The following CUBN variants were observed in gnomAD, a reference collection of about 807,000 sequenced individuals.
CUBN encodes cubilin, also known as 460 kDa receptor.
CUBN carries 282 observed loss-of-function variants against 405.3 expected under a neutral mutation model. That is an observed-to-expected ratio of 0.70 (90% CI 0.63 to 0.77). The LOEUF (loss-of-function observed/expected upper bound fraction) is 0.77, where lower values mean the gene tolerates loss of function less well. Among genes scored for constraint, CUBN ranks in the 30% least tolerant of loss-of-function variants. The probability of loss-of-function intolerance (pLI) is 0.00; values close to 1 mark genes in which losing one functional copy is unlikely to be tolerated. For missense variants in CUBN, 4,514 were observed against 4,475.2 expected, an observed-to-expected ratio of 1.01 and a Z score of -0.25; for synonymous variants, 1,684 against 1,617.0, an observed-to-expected ratio of 1.04 and a Z score of -0.99.
rs1005805664 is a variant in CUBN, at chr10:16,929,435, T to C, written c.6125-1132A>G. Among the ~76,000 whole-genome samples the C allele has an allele frequency of 2.6e-5, 4 of 152,318 alleles. No homozygotes were observed. The South Asian group carries it at 6.2e-4, about 24-fold the overall frequency. On this transcript the variant is annotated intron_variant, in intron 40 of 66. Coordinates refer to ENST00000377833, the MANE Select transcript of CUBN (RefSeq NM_001081.4). ...GCAGAGAATTAATAAATCTCGAGTT[T>C]ATAAAAAACAAAAATAGAATATGAG...
At chr10:16,925,200 T>C in intron 43 of CUBN, 41 bp downstream of exon 43, 3 of 1,537,130 alleles carry the variant, frequency 2.0e-6, no homozygotes, top group East Asian at 2.3e-5. Flanking sequence ...GATCAAGCAA[T>C]TGCAGGAAAA....
chr10:17,083,039 TG>T (rs1332078737), intron 17 of CUBN, among the ~76,000 whole-genome samples: 1 of 151,994 alleles, frequency 6.6e-6, no homozygotes, highest in Non-Finnish European at 1.5e-5. Context: ...CTATTTTTGC[TG>T]TTCTCAAAAG....
At chr10:17,038,710 G>A (rs1001928239) in intron 27 of CUBN, among the ~76,000 whole-genome samples, 7 of 152,202 alleles carry the variant, frequency 4.6e-5, no homozygotes, top group African/African-American at 1.4e-4. Flanking sequence ...GTAAATGGTT[G>A]TTTGTGTGTT....
intron 17 of CUBN, among the ~76,000 whole-genome samples, chr10:17,072,559 T>C (rs1588624838): frequency 1.3e-5 from 2 of 152,082 alleles, no homozygotes; most frequent in East Asian, 3.9e-4. Context: ...CTATGTACAA[T>C]TTTTTTAAGT....
chr10:17,098,127 T>C (rs1040482801), intron 14 of CUBN, among the ~76,000 whole-genome samples: 4 of 152,190 alleles, frequency 2.6e-5, no homozygotes, highest in Non-Finnish European at 4.4e-5. Context: ...AGTAGCCACA[T>C]GTAGGCACTC....
At chr10:16,827,691 TC>T (rs753310073) in intron 66 of CUBN, among the ~76,000 whole-genome samples, 1 of 152,214 alleles carries the variant, frequency 6.6e-6, no homozygotes, top group Non-Finnish European at 1.5e-5. Context: ...AACCTCCGCC[TC>T]CCTGGCTCAA....
intron 60 of CUBN, among the ~76,000 whole-genome samples, chr10:16,845,758 AC>A (rs1214786583): frequency 6.6e-6 from 1 of 152,214 alleles, no homozygotes; most frequent in Non-Finnish European, 1.5e-5. Flanking sequence ...CCTTCCATAG[AC>A]TGCTGATCCT....
At chr10:16,926,829 A>G in intron 41 of CUBN, among the ~76,000 whole-genome samples, 1 of 151,640 alleles carries the variant, frequency 6.6e-6, no homozygotes, top group Non-Finnish European at 1.5e-5. Flanking sequence ...CTATCTATCT[A>G]TCTATCTATC....
chr10:17,044,891 A>T, intron 25 of CUBN, 116 bp downstream of exon 25: 2 of 1,070,954 alleles, frequency 1.9e-6, no homozygotes, highest in Non-Finnish European at 2.9e-6. Context: ...TTGAATTTTT[A>T]TATGGATGTT....
intron 17 of CUBN, among the ~76,000 whole-genome samples, chr10:17,082,294 G>T (rs1316136189): frequency 1.3e-4 from 20 of 152,148 alleles, no homozygotes; most frequent in Non-Finnish European, 8.8e-5. Context: ...TCTGACAAAT[G>T]AACTAAAATA....
At chr10:17,107,811 G>T (rs184489411) in intron 10 of CUBN, among the ~76,000 whole-genome samples, 1 of 152,058 alleles carries the variant, frequency 6.6e-6, no homozygotes, top group African/African-American at 2.4e-5. Context: ...TACAAGTTTT[G>T]TTATGTTCTC....
intron 13 of CUBN, among the ~76,000 whole-genome samples, chr10:17,102,328 C>T (rs189059806): frequency 4.0e-5 from 6 of 150,146 alleles, no homozygotes; most frequent in African/African-American, 1.5e-4. Flanking sequence ...GCTCTGTCAC[C>T]CAGGCTGGAG....
At chr10:16,845,781 T>TG (rs1244196795) in intron 60 of CUBN, among the ~76,000 whole-genome samples, 1 of 152,230 alleles carries the variant, frequency 6.6e-6, no homozygotes, top group Non-Finnish European at 1.5e-5. Context: ...TCCCCAAAGA[T>TG]GGACAGCCCC....
intron 14 of CUBN, among the ~76,000 whole-genome samples, chr10:17,096,029 G>T (rs748813973): frequency 6.6e-6 from 1 of 152,050 alleles, no homozygotes; most frequent in Non-Finnish European, 1.5e-5. Context: ...AAATAAGCCA[G>T]ACATAGGAGG....
At chr10:17,065,681 G>C in intron 21 of CUBN, 43 bp from the exon 22 acceptor site, 1 of 1,610,320 alleles carries the variant, frequency 6.2e-7, no homozygotes, top group Non-Finnish European at 8.5e-7. Context: ...ATTTTAGTTT[G>C]GTATACTGAA....
chr10:17,117,052 G>A lies in CUBN; in HGVS notation c.594-1455C>T, dbSNP rs74709794. 6.4e-3 allele frequency among the ~76,000 whole-genome samples: 968 copies of A among 152,096 alleles called. 6 individuals are homozygous for A. Among genetic ancestry groups the A allele is most frequent in the African/African-American group, 0.021 (867 of 41,498 alleles). ...AGCATTCCAAAGTTGCCTTTGGAAC[G>A]GCTCACTAAGATAAAGTCATAGGAA... On this transcript the variant is annotated intron_variant, in intron 6 of 66. Transcript: ENST00000377833.
At chr10:17,049,517 T>G (rs1835213957) in intron 22 of CUBN, among the ~76,000 whole-genome samples, 1 of 152,214 alleles carries the variant, frequency 6.6e-6, no homozygotes. Flanking sequence ...GCAATAATGA[T>G]GGGTAGTTTC....
In CUBN at chr10:16,825,628, AGTGTGTGTGTGT is replaced by A. The variant is rs377156071; in HGVS notation, c.10765-558_10765-547del. Among the ~76,000 whole-genome samples the A allele has an allele frequency of 9.8e-3, 1,335 of 136,002 alleles. 20 individuals are homozygous for A. Among genetic ancestry groups the A allele is most frequent in the African/African-American group, 0.033 (1,179 of 36,248 alleles). The allele number at this position is 136,002 out of a possible 152,430, so 89.2% of individuals were successfully genotyped here. A position where few individuals can be genotyped will look rare whatever the true frequency, so the allele number is the denominator to read the frequency against. On this transcript the variant is annotated intron_variant, in intron 66 of 66. Transcript: ENST00000377833. ...TTATTTTCATATACTTCTGTGGAAC[AGTGTGTGTGTGT>A]GTGTGTGTGTGTGTGTGTGTGTGTG...
intron 22 of CUBN, among the ~76,000 whole-genome samples, chr10:17,055,663 T>C (rs767756281): frequency 1.2e-4 from 18 of 152,080 alleles, no homozygotes; most frequent in Non-Finnish European, 2.2e-4. Flanking sequence ...ATATATAATA[T>C]GGCATGTCAT....
Sources: allele counts gnomAD v4.1 joint callset (sites outside exome capture counted in the v4.1 genomes callset), GRCh38; gene constraint gnomAD v4.1.1; transcripts MANE v1.5; gene names NCBI Gene and HGNC (gene_info 2026-07-23, HGNC 2026-07-21).